TM9SF3: variants seen among roughly 807,000 people sequenced by gnomAD.
TM9SF3 encodes SM-11044-binding protein.
Under a neutral mutation model 78.6 loss-of-function variants are expected in TM9SF3, and 14 were observed. The ratio of observed to expected loss-of-function variants is 0.18; its 90% CI spans 0.12 to 0.28. The LOEUF is 0.28. TM9SF3 is among the 10% of genes least tolerant of loss of function. The probability of loss-of-function intolerance (pLI) is 1.00; values close to 1 mark genes in which losing one functional copy is unlikely to be tolerated. For synonymous variants in TM9SF3, 231 were observed against 241.7 expected (o/e 0.96, Z 0.41); for missense variants, 496 against 721.9 (o/e 0.69, Z 3.59).
intron 4 of TM9SF3, chr10:96,560,517 AGTGGACAGCATTTAGTAGCT>A (rs1848293036): frequency 6.9e-6 from 5 of 722,266 alleles, no homozygotes; most frequent in Admixed American, 1.8e-5. Flanking sequence ...AGTGTATATT[AGTGGACAGCATTTAGTAGCT>A]GTGGAGGAAG....
chr10:96,536,233 C>T (rs1237679484), intron 9 of TM9SF3, among the ~76,000 whole-genome samples: 4 of 152,042 alleles, frequency 2.6e-5, no homozygotes, highest in Non-Finnish European at 5.9e-5. Context: ...TAAATGCCTT[C>T]CTGCCAAGAT....
chr10:96,566,298 T>C (rs1312282760), intron 2 of TM9SF3, among the ~76,000 whole-genome samples: 2 of 152,256 alleles, frequency 1.3e-5, no homozygotes, highest in Non-Finnish European at 2.9e-5. Context: ...ATTTGAAACA[T>C]GAAATGCAAT....
intron 7 of TM9SF3, among the ~76,000 whole-genome samples, chr10:96,549,217 A>AT (rs1848138665): frequency 6.6e-6 from 1 of 152,220 alleles, no homozygotes; most frequent in Non-Finnish European, 1.5e-5. Flanking sequence ...TCTGATTGCT[A>AT]TAGTGACCAC....
At chr10:96,538,166 C>A (rs1276043560) in intron 9 of TM9SF3, among the ~76,000 whole-genome samples, 1 of 152,108 alleles carries the variant, frequency 6.6e-6, no homozygotes, top group Non-Finnish European at 1.5e-5. Context: ...AAAAACAAGA[C>A]AAATTGAAAT....
chr10:96,556,129 A>G (rs1383836061), intron 5 of TM9SF3, among the ~76,000 whole-genome samples: 1 of 152,212 alleles, frequency 6.6e-6, no homozygotes, highest in Non-Finnish European at 1.5e-5. Flanking sequence ...CAGGGAAAAT[A>G]CTTCTTAAAA....
chr10:96,576,476 T>TG, intron 2 of TM9SF3, 158 bp downstream of exon 2: 1 of 572,870 alleles, frequency 1.7e-6, no homozygotes, highest in Non-Finnish European at 2.7e-6. Flanking sequence ...TACTGGCATC[T>TG]GGGGGGTACA....
intron 7 of TM9SF3, among the ~76,000 whole-genome samples, chr10:96,549,656 T>C (rs992571368): frequency 1.3e-5 from 2 of 152,170 alleles, no homozygotes; most frequent in African/African-American, 2.4e-5. Flanking sequence ...ACATAAGTAA[T>C]GAATTACATT....
At chr10:96,582,375 T>C (rs191446161) in intron 1 of TM9SF3, among the ~76,000 whole-genome samples, 1 of 152,074 alleles carries the variant, frequency 6.6e-6, no homozygotes, top group Admixed American at 6.5e-5. Flanking sequence ...AAATGAAGAG[T>C]TTTGGATTAA....
chr10:96,525,728 T>TA (rs1291194311), intron 14 of TM9SF3, among the ~76,000 whole-genome samples: 1 of 152,100 alleles, frequency 6.6e-6, no homozygotes, highest in African/African-American at 2.4e-5. Context: ...CCCGCAGCCT[T>TA]ACATCATTCC....
intron 3 of TM9SF3, among the ~76,000 whole-genome samples, chr10:96,564,414 AT>A (rs1273970735): frequency 6.6e-6 from 1 of 152,212 alleles, no homozygotes; most frequent in Non-Finnish European, 1.5e-5. Flanking sequence ...GATCAGAGAA[AT>A]GTCTGTGTTA....
intron 4 of TM9SF3, among the ~76,000 whole-genome samples, chr10:96,561,312 AT>A (rs1484949267): frequency 6.6e-6 from 1 of 152,158 alleles, no homozygotes; most frequent in Non-Finnish European, 1.5e-5. Flanking sequence ...CAACTATAAA[AT>A]TTTTTCATTA....
intron 1 of TM9SF3, among the ~76,000 whole-genome samples, chr10:96,585,037 TAC>T (rs1848613399): frequency 6.6e-6 from 1 of 152,208 alleles, no homozygotes; most frequent in Non-Finnish European, 1.5e-5. Flanking sequence ...GCATTGAAAT[TAC>T]ACTTTTAATT....
At chr10:96,547,679 C>T (rs1848118649) in intron 8 of TM9SF3, among the ~76,000 whole-genome samples, 1 of 152,046 alleles carries the variant, frequency 6.6e-6, no homozygotes, top group Non-Finnish European at 1.5e-5. Flanking sequence ...ATTAGCTGGG[C>T]ATGGTGGCAC....
At chr10:96,571,413 C>T (rs1171824060) in intron 2 of TM9SF3, among the ~76,000 whole-genome samples, 1 of 152,134 alleles carries the variant, frequency 6.6e-6, no homozygotes, top group Non-Finnish European at 1.5e-5. Context: ...GAATCAGGGA[C>T]AGCAGGAATA....
At chr10:96,566,057 T>C (rs1848365976) in intron 2 of TM9SF3, among the ~76,000 whole-genome samples, 1 of 152,210 alleles carries the variant, frequency 6.6e-6, no homozygotes, top group Admixed American at 6.5e-5. Flanking sequence ...TATAATTCTA[T>C]TCAGATGGTT....
intron 1 of TM9SF3, among the ~76,000 whole-genome samples, chr10:96,580,427 G>A (rs574013605): frequency 3.9e-5 from 6 of 152,048 alleles, no homozygotes; most frequent in East Asian, 3.9e-4. Context: ...CACCACACCC[G>A]GCTAATTTTT....
At chr10:96,558,307 A>G (rs1464560016) in intron 5 of TM9SF3, among the ~76,000 whole-genome samples, 2 of 94,826 alleles carry the variant, frequency 2.1e-5, no homozygotes, top group Non-Finnish European at 4.3e-5. Flanking sequence ...GAGGTAGGGG[A>G]AAAATTTTAG....
intron 1 of TM9SF3, among the ~76,000 whole-genome samples, chr10:96,582,324 T>C (rs1442991890): frequency 1.3e-5 from 2 of 152,236 alleles, no homozygotes; most frequent in African/African-American, 2.4e-5. Flanking sequence ...ATTCTTTCTG[T>C]GGCCTTGAGC....
At chr10:96,537,669 T>C (rs1847976101) in intron 9 of TM9SF3, among the ~76,000 whole-genome samples, 1 of 152,072 alleles carries the variant, frequency 6.6e-6, no homozygotes, top group Non-Finnish European at 1.5e-5. Context: ...CCTATCTCTA[T>C]AAAAATACAA....
Sources: allele counts gnomAD v4.1 joint callset (sites outside exome capture counted in the v4.1 genomes callset), GRCh38; gene constraint gnomAD v4.1.1; transcripts MANE v1.5; gene names NCBI Gene and HGNC (gene_info 2026-07-23, HGNC 2026-07-21).